Variants in LARS2 observed in about 807,000 individuals in gnomAD.
LARS2 encodes leucyl-tRNA synthetase 2, mitochondrial.
LARS2 carries 81 observed loss-of-function variants against 116.6 expected under a neutral mutation model. The ratio of observed to expected loss-of-function variants is 0.69; its 90% CI spans 0.58 to 0.84. LARS2 has a LOEUF of 0.84. LARS2 is among the 40% of genes least tolerant of loss of function. LARS2 has a pLI of 0.00. For synonymous variants in LARS2, 396 were observed against 407.2 expected (o/e 0.97, Z 0.33); for missense variants, 968 against 1,114.5 (o/e 0.87, Z 1.87).
At chr3:45,468,502 G>A (rs978134707) in intron 8 of LARS2, among the ~76,000 whole-genome samples, 1 of 152,142 alleles carries the variant, frequency 6.6e-6, no homozygotes, top group Non-Finnish European at 1.5e-5. Flanking sequence ...TAGACCCAGG[G>A]GCAGGGAGGT....
intron 20 of LARS2, among the ~76,000 whole-genome samples, chr3:45,532,870 GA>G (rs1208967030): frequency 1.3e-5 from 2 of 152,094 alleles, no homozygotes; most frequent in African/African-American, 4.8e-5. Flanking sequence ...TCAAACTCCT[GA>G]CTTCAGGTGG....
chr3:45,541,688 C>T, intron 20 of LARS2, 141 bp from the exon 21 acceptor site: 1 of 1,048,172 alleles, frequency 9.5e-7, no homozygotes, highest in Non-Finnish European at 1.3e-6. Flanking sequence ...GTGGTGAGCA[C>T]CCAGCAGCCA....
chr3:45,538,897 A>T (rs1230094383), intron 20 of LARS2, among the ~76,000 whole-genome samples: 1 of 152,178 alleles, frequency 6.6e-6, no homozygotes, highest in Non-Finnish European at 1.5e-5. Context: ...GTCACCGAGG[A>T]CACCGCTGAG....
intron 15 of LARS2, among the ~76,000 whole-genome samples, chr3:45,501,763 A>G (rs1186342695): frequency 1.3e-5 from 2 of 152,230 alleles, no homozygotes; most frequent in African/African-American, 4.8e-5. Context: ...ACTGTTTTCC[A>G]TAGTGATTAC....
intron 7 of LARS2, among the ~76,000 whole-genome samples, chr3:45,450,184 G>A (rs1184730460): frequency 2.6e-5 from 4 of 152,144 alleles, no homozygotes; most frequent in Non-Finnish European, 5.9e-5. Flanking sequence ...AGTGTGTCAT[G>A]ATCAAATCAG....
chr3:45,410,368 TTAG>T lies in LARS2; in HGVS notation c.364-7110_364-7108del, dbSNP rs10576139. The stretch of plus-strand genomic sequence containing the variant: ...AGAAAAAGAGAAAGAATTGCAGAAC[TTAG>T]TAGCAAATACAGAAGAATGTTTGTC... On this transcript the variant is annotated intron_variant, in intron 4 of 21. Transcript: ENST00000645846. Among the ~76,000 whole-genome samples the T allele has an allele frequency of 2.8e-3, 431 of 151,930 alleles. 5 individuals carry two copies. Among genetic ancestry groups the T allele is most frequent in the African/African-American group, 9.9e-3 (410 of 41,452 alleles).
At chr3:45,449,914 C>T (rs1699096066) in intron 7 of LARS2, among the ~76,000 whole-genome samples, 1 of 152,186 alleles carries the variant, frequency 6.6e-6, no homozygotes, top group Non-Finnish European at 1.5e-5. Context: ...GCACTGTCCA[C>T]CAAATGTTCA....
At position 45,459,369 on chromosome 3, in the gene LARS2, A is replaced by G. The variant is rs113209646; in HGVS notation, c.750+483A>G. ...AGACTTCACATGCTTAAATTTTTCA[A>G]TGGAGGTCCAGAAGAGATTATCTAA... is the stretch of plus-strand genomic sequence containing the variant. On this transcript the variant is annotated intron_variant, in intron 8 of 21. Coordinates refer to ENST00000645846, the MANE Select transcript of LARS2 (RefSeq NM_015340.4). Among the ~76,000 whole-genome samples, 278 of 152,304 alleles carry G rather than the reference A, an allele frequency of 1.8e-3. 1 individual carries two copies. Among genetic ancestry groups the G allele is most frequent in the African/African-American group, 4.9e-3 (205 of 41,572 alleles).
At chr3:45,540,058 G>C (rs1700767591) in intron 20 of LARS2, among the ~76,000 whole-genome samples, 1 of 152,060 alleles carries the variant, frequency 6.6e-6, no homozygotes, top group Non-Finnish European at 1.5e-5. Context: ...AGGAGTTCGA[G>C]ACCAACCTGG....
At position 45,524,029 on chromosome 3, in the gene LARS2, C is replaced by T. The variant is rs1239177769; in HGVS notation, c.2325C>T (p.Pro775=). The T allele has an allele frequency of 6.8e-6, 11 of 1,614,004 alleles. No individual in the cohort carries two copies. The highest frequency in any genetic ancestry group is 3.3e-5 in the Admixed American group (2 of 60,000). Residue 775 remains proline, a synonymous_variant, in exon 20 of 22, where the codon CCC becomes CCT. Coordinates refer to ENST00000645846, the MANE Select transcript of LARS2 (RefSeq NM_015340.4). ...CTCAGAGCGTCATTCTCCACAGCCCCGAGTTTGAGGATGCTTTGTGTGCCC... is the reference window on the plus strand; with the variant it reads ...CTCAGAGCGTCATTCTCCACAGCCCTGAGTTTGAGGATGCTTTGTGTGCCC... The part of the protein sequence containing the change: ...QASQSVILHS[P]EFEDALCALM...
At chr3:45,409,237 C>T (rs1350201567) in intron 4 of LARS2, among the ~76,000 whole-genome samples, 1 of 151,804 alleles carries the variant, frequency 6.6e-6, no homozygotes, top group Non-Finnish European at 1.5e-5. Flanking sequence ...CTAGTTAGCA[C>T]ATGTGAGCTG....
In LARS2 at chr3:45,516,186, G is replaced by A. The variant is rs375602743; in HGVS notation, c.1954G>A (p.Glu652Lys). ...KSKHNGVDPE[E>K]VVEQYGIDTI... Reference sequence around the variant, plus strand: ...CAAACACAACGGGGTGGACCCAGAGGAAGTTGTGGAGCAGTATGGGATCGA... The same window carrying A: ...CAAACACAACGGGGTGGACCCAGAGAAAGTTGTGGAGCAGTATGGGATCGA... The change falls in exon 17 of 22, where the codon GAA (glutamate) becomes AAA (lysine). Residue 652 changes from glutamate to lysine, a missense_variant. Transcript: ENST00000645846. 1.7e-5 allele frequency: 27 copies of A among 1,614,090 alleles called. No homozygotes were observed. The African/African-American group carries it at 1.9e-4, about 11-fold the overall frequency.
intron 6 of LARS2, among the ~76,000 whole-genome samples, chr3:45,429,765 G>A (rs1698660947): frequency 1.4e-5 from 2 of 142,182 alleles, no homozygotes. Flanking sequence ...GCAGTGTTGC[G>A]ATCTCAGCTA....
intron 7 of LARS2, among the ~76,000 whole-genome samples, chr3:45,451,703 C>T (rs939221732): frequency 1.3e-5 from 2 of 152,030 alleles, no homozygotes; most frequent in African/African-American, 2.4e-5. Context: ...TTTGTGGTTC[C>T]ATACAGATTT....
At chr3:45,402,788 T>A (rs1261736047) in intron 4 of LARS2, among the ~76,000 whole-genome samples, 1 of 152,188 alleles carries the variant, frequency 6.6e-6, no homozygotes, top group Non-Finnish European at 1.5e-5. Context: ...CTGTTTTTCA[T>A]TATTTCTGCT....
intron 10 of LARS2, among the ~76,000 whole-genome samples, chr3:45,482,755 T>C (rs1699726491): frequency 1.3e-5 from 2 of 152,250 alleles, no homozygotes; most frequent in African/African-American, 4.8e-5. Context: ...TCAGTGGCTA[T>C]GACAGAGGCT....
intron 7 of LARS2, among the ~76,000 whole-genome samples, chr3:45,453,846 G>A (rs1421423061): frequency 3.3e-5 from 5 of 152,080 alleles, no homozygotes; most frequent in African/African-American, 1.2e-4. Flanking sequence ...TTCAGAAAAG[G>A]TCTTTGATAG....
intron 8 of LARS2, 107 bp downstream of exon 8, chr3:45,458,993 A>G: frequency 1.8e-6 from 2 of 1,133,790 alleles, no homozygotes; most frequent in Non-Finnish European, 2.6e-6. Context: ...AGCTCTAGGA[A>G]GGGCTGGGAG....
intron 20 of LARS2, chr3:45,538,254 G>T (rs1389174160): frequency 6.6e-6 from 1 of 152,212 alleles, no homozygotes; most frequent in Admixed American, 6.5e-5. Context: ...ACTGCTCCAG[G>T]AAGGCTGGGC....
Sources: allele counts gnomAD v4.1 joint callset (sites outside exome capture counted in the v4.1 genomes callset), GRCh38; gene constraint gnomAD v4.1.1; transcripts MANE v1.5; gene names NCBI Gene and HGNC (gene_info 2026-07-23, HGNC 2026-07-21).